DAPK2: variants seen among roughly 807,000 people sequenced by gnomAD.
The protein encoded by DAPK2 is death associated protein kinase 2, also known as death-associated protein kinase 2.
A neutral mutation model predicts 44.1 loss-of-function variants in DAPK2; 35 were observed. The ratio of observed to expected loss-of-function variants is 0.79; its 90% CI spans 0.61 to 1.05. The LOEUF is 1.05. Among genes scored for constraint, DAPK2 ranks in the 50% least tolerant of loss-of-function variants. The probability of loss-of-function intolerance (pLI) is 0.00; values close to 1 mark genes in which losing one functional copy is unlikely to be tolerated. For missense variants in DAPK2, 453 were observed against 483.2 expected, an observed-to-expected ratio of 0.94 and a Z score of 0.59; for synonymous variants, 174 against 182.6, an observed-to-expected ratio of 0.95 and a Z score of 0.38.
chr15:63,964,668 G>A lies in DAPK2; in HGVS notation c.453+6755C>T, dbSNP rs148675418. On this transcript the variant is annotated intron_variant, in intron 3 of 10. Transcript: ENST00000261891. ...TCTTTTGTCTCCTCTGTGTATTTTC[G>A]AATAGTCTATCTTCAAGCTCACTAA... Among the ~76,000 whole-genome samples the A allele has an allele frequency of 4.6e-4, 70 of 151,064 alleles. 1 individual carries two copies. The highest frequency in any genetic ancestry group is 1.3e-3 in the South Asian group (6 of 4,778).
chr15:63,973,990 A>G (rs1368560801), intron 2 of DAPK2, among the ~76,000 whole-genome samples: 1 of 152,330 alleles, frequency 6.6e-6, no homozygotes, highest in East Asian at 1.9e-4. Flanking sequence ...GGGGCTCAAG[A>G]GAATCTAAGT....
chr15:63,942,324 G>T (rs1469084935), intron 3 of DAPK2: 1 of 873,338 alleles, frequency 1.1e-6, no homozygotes. Flanking sequence ...GCCAAGGCAG[G>T]GGGTATCACC....
chr15:63,954,197 T>C (rs1016785118), intron 3 of DAPK2, among the ~76,000 whole-genome samples: 1 of 152,212 alleles, frequency 6.6e-6, no homozygotes, highest in African/African-American at 2.4e-5. Flanking sequence ...TTACCTGTGC[T>C]TGTGGGGTAT....
At chr15:63,991,860 C>T (rs563975484) in intron 1 of DAPK2, among the ~76,000 whole-genome samples, 1 of 152,260 alleles carries the variant, frequency 6.6e-6, no homozygotes, top group South Asian at 2.1e-4. Context: ...TACCAGGAGC[C>T]AGAGTCTCCA....
chr15:63,977,688 T>C (rs369655990), intron 2 of DAPK2, among the ~76,000 whole-genome samples: 114 of 152,330 alleles, frequency 7.5e-4, no homozygotes, highest in African/African-American at 2.5e-3. Flanking sequence ...TTGCCACCGG[T>C]GCAATGTGCT....
rs181917231 is a variant in DAPK2 at position 63,961,909 on chromosome 15, G to A, written c.453+9514C>T. On this transcript the variant is annotated intron_variant, in intron 3 of 10. Coordinates refer to ENST00000261891, the Ensembl canonical transcript of DAPK2. ...TGGCCTGTCTCACTAGGTTGGGGAA[G>A]TTCTACTGGATAATATCCTGAAGAG... is the stretch of plus-strand genomic sequence containing the variant. Among the ~76,000 whole-genome samples, 247 of 152,300 alleles carry A rather than the reference G, an allele frequency of 1.6e-3. 1 individual carries two copies. The highest frequency in any genetic ancestry group is 5.8e-3 in the African/African-American group (239 of 41,554).
Position 64,020,768 on chromosome 15 carries a change from G to A in DAPK2, c.92+19402C>T, listed in dbSNP as rs750680748. On this transcript the variant is annotated intron_variant, in intron 1 of 10. Coordinates refer to ENST00000261891, the Ensembl canonical transcript of DAPK2. This position sits in a 1 kb window ranked among gnomAD's most constrained non-coding sequence, Gnocchi z 4.5. ...CCCAAAAGCACCTCAGGTACTAGAA[G>A]GAATAAATCAAAAGGGAAAGGATAG... is the stretch of plus-strand genomic sequence containing the variant. 2.0e-5 allele frequency among the ~76,000 whole-genome samples: 3 copies of A among 152,152 alleles called. No individual in the cohort carries two copies. The highest frequency in any genetic ancestry group is 4.4e-5 in the Non-Finnish European group (3 of 68,024).
intron 3 of DAPK2, chr15:63,942,199 C>T (rs948100724): frequency 7.1e-6 from 7 of 984,890 alleles, no homozygotes; most frequent in Non-Finnish European, 8.4e-6. Flanking sequence ...CTTCCTCACA[C>T]AGGCTCACCT....
intron 5 of DAPK2, chr15:63,929,843 G>A: frequency 1.6e-6 from 1 of 631,188 alleles, no homozygotes; most frequent in East Asian, 3.1e-5. Context: ...ATTTAGGTAA[G>A]TCCCTTACCA....
chr15:63,996,857 G>A (rs1050930547), intron 1 of DAPK2, among the ~76,000 whole-genome samples: 1 of 152,158 alleles, frequency 6.6e-6, no homozygotes, highest in African/African-American at 2.4e-5. Context: ...TTTATCACAG[G>A]AATGAAATGG....
At chr15:63,944,527 G>T (rs2077400207) in intron 3 of DAPK2, among the ~76,000 whole-genome samples, 1 of 152,198 alleles carries the variant, frequency 6.6e-6, no homozygotes, top group Non-Finnish European at 1.5e-5. Context: ...TTTACAGCAT[G>T]TTTACTAAGC....
chr15:63,978,311 C>T (rs536778493), intron 2 of DAPK2, among the ~76,000 whole-genome samples: 13 of 152,218 alleles, frequency 8.5e-5, no homozygotes, highest in African/African-American at 2.6e-4. Context: ...CCTGTGACCT[C>T]GGGCAAATAT....
intron 1 of DAPK2, among the ~76,000 whole-genome samples, chr15:63,995,297 C>T (rs2078924594): frequency 1.3e-5 from 2 of 152,086 alleles, no homozygotes; most frequent in Non-Finnish European, 2.9e-5. Context: ...CTATAGGCGC[C>T]CACCACCACA....
At chr15:63,952,651 T>TC (rs1337362440) in intron 3 of DAPK2, among the ~76,000 whole-genome samples, 1 of 150,378 alleles carries the variant, frequency 6.6e-6, no homozygotes, top group Non-Finnish European at 1.5e-5. Flanking sequence ...TCTGTTTTTT[T>TC]TTATTTATTT....
In DAPK2 at chr15:63,954,690, T is replaced by C. The variant is rs561268935; in HGVS notation, c.454-15329A>G. Among the ~76,000 whole-genome samples the C allele has an allele frequency of 2.0e-3, 302 of 152,360 alleles. 1 individual carries two copies. The highest frequency in any genetic ancestry group is 6.6e-3 in the African/African-American group (276 of 41,584). On this transcript the variant is annotated intron_variant, in intron 3 of 10. Coordinates refer to ENST00000261891, the Ensembl canonical transcript of DAPK2. The stretch of plus-strand genomic sequence containing the variant: ...TTGTTTTTTCTATTTCGGTTAAGAA[T>C]GTCATTGGTATTTTTATAGGGATTG...
rs189589375 is a variant in DAPK2, at chr15:63,940,715, T to A, written c.454-1354A>T. On this transcript the variant is annotated intron_variant, in intron 3 of 10. Coordinates refer to ENST00000261891, the Ensembl canonical transcript of DAPK2. Reference sequence around the variant, plus strand: ...CAACAGAGTGAGTCTCTGTCTCAATTAATAAATAAATAAATAAATAAATAA... The same window carrying A: ...CAACAGAGTGAGTCTCTGTCTCAATAAATAAATAAATAAATAAATAAATAA... Among the ~76,000 whole-genome samples, 292 of 151,526 alleles carry A rather than the reference T, an allele frequency of 1.9e-3. 1 individual carries two copies. The highest frequency in any genetic ancestry group is 4.3e-3 in the African/African-American group (175 of 41,072).
At chr15:63,915,822 A>G (rs562195044) in intron 8 of DAPK2, among the ~76,000 whole-genome samples, 4 of 152,240 alleles carry the variant, frequency 2.6e-5, no homozygotes, top group Non-Finnish European at 5.9e-5. Context: ...CTGGTTGTTA[A>G]GAGCCCCACC....
rs1316369919 is a variant in DAPK2 at position 63,908,554 on chromosome 15, GC to G, written c.1078del (p.Ala360ProfsTer46). 10 of 1,602,094 alleles carry G rather than the reference GC, an allele frequency of 6.2e-6. No homozygotes were observed. The highest frequency in any genetic ancestry group is 8.5e-6 in the Non-Finnish European group (10 of 1,175,650). On this transcript the variant is annotated frameshift_variant, in exon 11 of 11. Transcript: ENST00000261891. LOFTEE classifies it high-confidence loss of function. This position sits in a 1 kb window ranked among gnomAD's most constrained non-coding sequence, Gnocchi z 5.7. ...GCTGCTCCTCCTCCGTGGGTGGAGG[GC>G]TTTCCTCCTGGCGATGTCCTCCTCA...
chr15:63,924,911 G>A (rs770395043), intron 7 of DAPK2, 50 bp from the exon 9 acceptor site: 2 of 1,601,158 alleles, frequency 1.2e-6, no homozygotes, highest in Admixed American at 3.4e-5. Context: ...CAGAAGTTGG[G>A]AGCAACCATC....
Sources: gnomAD v4.1 joint callset for allele counts (sites outside exome capture counted in the v4.1 genomes callset) on GRCh38, gnomAD v4.1.1 for gene constraint, Gnocchi (gnomAD v3.1) non-coding constraint, MANE v1.5 for transcripts, NCBI Gene and HGNC (gene_info 2026-07-23, HGNC 2026-07-21) for gene names.